CCSER1: variants seen among roughly 807,000 people sequenced by gnomAD.
CCSER1 encodes coiled-coil serine rich protein 1.
In CCSER1, 41 loss-of-function variants were observed where a neutral mutation model predicts 82.0. The ratio of observed to expected loss-of-function variants is 0.50; its 90% CI spans 0.39 to 0.65. The LOEUF (loss-of-function observed/expected upper bound fraction) is 0.65. CCSER1 is among the 30% of genes least tolerant of loss of function. CCSER1 has a pLI of 0.00. For synonymous variants in CCSER1, 414 were observed against 383.9 expected (o/e 1.08, Z -0.92); for missense variants, 1,119 against 1,064.2 (o/e 1.05, Z -0.72).
chr4:91,360,305 A>G (rs1159132400), intron 10 of CCSER1, among the ~76,000 whole-genome samples: 1 of 151,848 alleles, frequency 6.6e-6, no homozygotes, highest in Non-Finnish European at 1.5e-5. Flanking sequence ...ATATGAAAAA[A>G]AGATCTACTA....
intron 9 of CCSER1, among the ~76,000 whole-genome samples, chr4:91,049,783 T>G (rs943648070): frequency 6.6e-6 from 1 of 152,226 alleles, no homozygotes; most frequent in Non-Finnish European, 1.5e-5. Context: ...TTATGCAATT[T>G]TATGAAATAC....
intron 10 of CCSER1, among the ~76,000 whole-genome samples, chr4:91,279,986 GTC>G (rs549762763): frequency 1.5e-3 from 232 of 152,332 alleles, no homozygotes; most frequent in African/African-American, 5.2e-3. Flanking sequence ...CCGTAGTATA[GTC>G]TCTATATGAT....
intron 10 of CCSER1, among the ~76,000 whole-genome samples, chr4:91,234,239 A>T (rs1738835476): frequency 6.6e-6 from 1 of 152,026 alleles, no homozygotes; most frequent in African/African-American, 2.4e-5. Context: ...TTCTTCTTCC[A>T]TTAGCTTTGA....
At chr4:90,850,156 G>A (rs568261634) in intron 8 of CCSER1, among the ~76,000 whole-genome samples, 78 of 152,310 alleles carry the variant, frequency 5.1e-4, no homozygotes, top group Admixed American at 4.6e-4. Flanking sequence ...GCCTGTGGGT[G>A]TACAGGAGTC....
intron 10 of CCSER1, among the ~76,000 whole-genome samples, chr4:91,242,720 G>T (rs1013789045): frequency 1.3e-5 from 2 of 152,052 alleles, no homozygotes; most frequent in Admixed American, 1.3e-4. Flanking sequence ...CATGGACTGG[G>T]ATAAAATATT....
Position 90,969,929 on chromosome 4 carries a change from TA to T in CCSER1, c.2172+46490del, listed in dbSNP as rs925876581. Reference sequence around the variant, plus strand: ...ACCTCTAGCAGATACACATAAGAAATAAAAAAAACCTCTAGTAAATATACAT... The same window carrying T: ...ACCTCTAGCAGATACACATAAGAAATAAAAAAACCTCTAGTAAATATACAT... On this transcript the variant is annotated intron_variant, in intron 9 of 10. Coordinates refer to ENST00000509176, the MANE Select transcript of CCSER1 (RefSeq NM_001145065.2). Among the ~76,000 whole-genome samples, 6 of 146,688 alleles carry T rather than the reference TA, an allele frequency of 4.1e-5. 1 individual carries two copies. Among genetic ancestry groups the T allele is most frequent in the African/African-American group, 1.0e-4 (4 of 39,670 alleles).
intron 7 of CCSER1, among the ~76,000 whole-genome samples, chr4:90,814,495 G>T (rs892135127): frequency 6.6e-6 from 1 of 152,112 alleles, no homozygotes; most frequent in Non-Finnish European, 1.5e-5. Flanking sequence ...TCATGGTCAG[G>T]CTGCAAATTT....
intron 10 of CCSER1, among the ~76,000 whole-genome samples, chr4:91,350,434 C>T (rs76355493): frequency 0.02 from 3,000 of 152,170 alleles, 87 homozygotes; most frequent in African/African-American, 0.066. Context: ...TGAAGACTAA[C>T]ATATCAAAGT....
At chr4:90,848,979 A>G (rs1763528623) in intron 8 of CCSER1, among the ~76,000 whole-genome samples, 1 of 152,200 alleles carries the variant, frequency 6.6e-6, no homozygotes, top group South Asian at 2.1e-4. Flanking sequence ...CAGAACTGTG[A>G]GTCAATTAAG....
chr4:90,707,556 T>A (rs1377748450), intron 6 of CCSER1, among the ~76,000 whole-genome samples: 2 of 150,500 alleles, frequency 1.3e-5, no homozygotes, highest in Admixed American at 6.6e-5. Flanking sequence ...TATATATATA[T>A]AATATTCAAA....
intron 9 of CCSER1, among the ~76,000 whole-genome samples, chr4:91,083,300 CTA>C (rs765364741): frequency 3.3e-5 from 5 of 152,056 alleles, no homozygotes; most frequent in African/African-American, 4.8e-5. Context: ...TCTGAGCAAA[CTA>C]TGGCAAGGAC....
rs534828346 is a variant in CCSER1 at position 90,346,439 on chromosome 4, G to A, written c.1509+33392G>A. Among the ~76,000 whole-genome samples, 155 of 151,856 alleles carry A rather than the reference G, an allele frequency of 1.0e-3. 1 individual carries two copies. The highest frequency in any genetic ancestry group is 3.4e-3 in the Middle Eastern group (1 of 294). On this transcript the variant is annotated intron_variant, in intron 3 of 10. Transcript: ENST00000509176. ...ATAATTATGTGATATTTCAATTATAGCTAGATTGTCAGTGAAAGCTTAGAT... is the reference window on the plus strand; with the variant it reads ...ATAATTATGTGATATTTCAATTATAACTAGATTGTCAGTGAAAGCTTAGAT...
chr4:91,193,414 G>C (rs1254942572), intron 10 of CCSER1, among the ~76,000 whole-genome samples: 1 of 152,088 alleles, frequency 6.6e-6, no homozygotes, highest in Admixed American at 6.6e-5. Flanking sequence ...TGGATGAAAA[G>C]GGAAAATGAA....
chr4:90,439,309 CAA>C lies in CCSER1; in HGVS notation c.1604-28921_1604-28920del. The stretch of plus-strand genomic sequence containing the variant: ...TCTCCAAAAGGAAAACAAAACAAAA[CAA>C]AAACAAACAAACAAAAAAAACCAGC... On this transcript the variant is annotated intron_variant, in intron 4 of 10. Transcript: ENST00000509176. 2.6e-5 allele frequency among the ~76,000 whole-genome samples: 4 copies of C among 151,850 alleles called. No homozygotes were observed. In the Admixed American group the frequency reaches 2.6e-4, roughly 10 times the overall value.
chr4:91,522,808 G>A (rs530705020), intron 10 of CCSER1, among the ~76,000 whole-genome samples: 3 of 152,274 alleles, frequency 2.0e-5, no homozygotes, highest in Admixed American at 1.3e-4. Context: ...ATACAATCAT[G>A]TCATCTGCAA....
chr4:90,443,795 T>G (rs1290490206), intron 4 of CCSER1, among the ~76,000 whole-genome samples: 1 of 151,980 alleles, frequency 6.6e-6, no homozygotes, highest in Non-Finnish European at 1.5e-5. Flanking sequence ...CTAGATGCTG[T>G]TTTAGCCCCT....
At chr4:91,451,465 C>T (rs1755864654) in intron 10 of CCSER1, among the ~76,000 whole-genome samples, 1 of 151,892 alleles carries the variant, frequency 6.6e-6, no homozygotes, top group African/African-American at 2.4e-5. Flanking sequence ...AAAAGTCCAG[C>T]ACCCAGACAC....
At chr4:90,997,331 T>A (rs1374666263) in intron 9 of CCSER1, among the ~76,000 whole-genome samples, 2 of 152,200 alleles carry the variant, frequency 1.3e-5, no homozygotes, top group Non-Finnish European at 2.9e-5. Context: ...CCTCTGCTTC[T>A]GTTGTCACAT....
intron 10 of CCSER1, among the ~76,000 whole-genome samples, chr4:91,544,893 C>T (rs1761804139): frequency 6.6e-6 from 1 of 152,126 alleles, no homozygotes; most frequent in Non-Finnish European, 1.5e-5. Context: ...TCAGCTATGC[C>T]CTGTCCCCAG....
Sources: allele counts gnomAD v4.1 joint callset (sites outside exome capture counted in the v4.1 genomes callset), GRCh38; gene constraint gnomAD v4.1.1; transcripts MANE v1.5; gene names NCBI Gene and HGNC (gene_info 2026-07-23, HGNC 2026-07-21).